The following SLC35F4 variants were observed in gnomAD, a reference collection of about 807,000 sequenced individuals.
The protein encoded by SLC35F4 is solute carrier family 35 member F4.
A neutral mutation model predicts 44.2 loss-of-function variants in SLC35F4; 24 were observed. The observed-to-expected ratio is 0.54, with a 90% CI of 0.39 to 0.76. The LOEUF (loss-of-function observed/expected upper bound fraction) is 0.76. Among genes scored for constraint, SLC35F4 ranks in the 30% least tolerant of loss-of-function variants. SLC35F4 has a pLI of 0.00. For synonymous variants in SLC35F4, 238 were observed against 223.6 expected (o/e 1.06, Z -0.57); for missense variants, 562 against 586.1 (o/e 0.96, Z 0.42).
chr14:57,740,990 C>T (rs1218611954), intron 1 of SLC35F4, among the ~76,000 whole-genome samples: 1 of 152,172 alleles, frequency 6.6e-6, no homozygotes, highest in African/African-American at 2.4e-5. Flanking sequence ...GGACCTCCAG[C>T]AAACTCCAAC....
intron 1 of SLC35F4, among the ~76,000 whole-genome samples, chr14:57,741,545 G>A (rs568776201): frequency 5.5e-4 from 83 of 152,236 alleles, no homozygotes; most frequent in Non-Finnish European, 1.0e-3. Flanking sequence ...AGAGAAAAAA[G>A]AGTAAAAAGA....
chr14:57,830,627 C>T (rs545091071), intron 1 of SLC35F4, among the ~76,000 whole-genome samples: 22 of 152,084 alleles, frequency 1.4e-4, no homozygotes, highest in African/African-American at 5.1e-4. Flanking sequence ...ATTAAATGAG[C>T]CAATATGGTT....
intron 1 of SLC35F4, among the ~76,000 whole-genome samples, chr14:57,952,190 A>G (rs1890154009): frequency 6.6e-6 from 1 of 152,190 alleles, no homozygotes; most frequent in African/African-American, 2.4e-5. Context: ...CCTGCAGCAG[A>G]GGGGCCTGGC....
chr14:57,790,605 T>G (rs2077892700), intron 1 of SLC35F4, among the ~76,000 whole-genome samples: 1 of 152,186 alleles, frequency 6.6e-6, no homozygotes, highest in South Asian at 2.1e-4. Context: ...AAGCTACCAT[T>G]GACTTTCTTC....
At chr14:57,870,513 A>G (rs1288867638), upstream of SLC35F4, among the ~76,000 whole-genome samples, 1 of 152,240 alleles carries the variant, frequency 6.6e-6, no homozygotes, top group Non-Finnish European at 1.5e-5. Flanking sequence ...TAAAGATCTT[A>G]TAACTGTGAC....
intron 1 of SLC35F4, among the ~76,000 whole-genome samples, chr14:57,932,847 G>C (rs1197135205): frequency 6.6e-6 from 1 of 152,032 alleles, no homozygotes; most frequent in Non-Finnish European, 1.5e-5. Flanking sequence ...GCTATCTATA[G>C]ATCTTGATTT....
chr14:57,830,134 T>G (rs1422142675), intron 1 of SLC35F4, among the ~76,000 whole-genome samples: 1 of 152,204 alleles, frequency 6.6e-6, no homozygotes, highest in Non-Finnish European at 1.5e-5. Flanking sequence ...GTAATGGAAG[T>G]AAAATCTAGA....
chr14:57,580,697 T>C (rs2069182749), intron 4 of SLC35F4, among the ~76,000 whole-genome samples: 1 of 152,186 alleles, frequency 6.6e-6, no homozygotes, highest in African/African-American at 2.4e-5. Flanking sequence ...CTTCCATTTC[T>C]GCATTAGTCA....
chr14:57,742,859 T>G (rs985798376), intron 1 of SLC35F4, among the ~76,000 whole-genome samples: 1 of 152,118 alleles, frequency 6.6e-6, no homozygotes, highest in African/African-American at 2.4e-5. Context: ...AGAAGAGAAA[T>G]TATAACAAAC....
At chr14:57,653,319 G>A (rs781267153) in intron 1 of SLC35F4, among the ~76,000 whole-genome samples, 4 of 152,106 alleles carry the variant, frequency 2.6e-5, no homozygotes, top group South Asian at 2.1e-4. Context: ...GTCAAATCTC[G>A]CTGGGGAAAC....
chr14:57,955,837 A>G (rs1890227320), intron 1 of SLC35F4, among the ~76,000 whole-genome samples: 1 of 152,238 alleles, frequency 6.6e-6, no homozygotes, highest in East Asian at 1.9e-4. Context: ...GATAGGAAGA[A>G]TCAATATCAT....
At chr14:57,873,665 G>A (rs1290421038) in intron 1 of SLC35F4, among the ~76,000 whole-genome samples, 4 of 152,114 alleles carry the variant, frequency 2.6e-5, no homozygotes, top group African/African-American at 9.7e-5. Flanking sequence ...GTGATAAGAG[G>A]AGTGAAATTA....
intron 1 of SLC35F4, among the ~76,000 whole-genome samples, chr14:57,789,455 C>T (rs2077855316): frequency 6.6e-6 from 1 of 151,882 alleles, no homozygotes; most frequent in Non-Finnish European, 1.5e-5. Context: ...GGAAGAAGTC[C>T]AATCCCTCAA....
At chr14:57,664,773 G>T (rs115212923) in intron 1 of SLC35F4, among the ~76,000 whole-genome samples, 125 of 152,320 alleles carry the variant, frequency 8.2e-4, no homozygotes, top group African/African-American at 2.9e-3. Flanking sequence ...TCCATGAGTG[G>T]CAATAAATGT....
intron 1 of SLC35F4, among the ~76,000 whole-genome samples, chr14:57,606,687 A>G (rs1221590951): frequency 6.6e-6 from 1 of 152,166 alleles, no homozygotes; most frequent in Non-Finnish European, 1.5e-5. Flanking sequence ...CACTCTACCA[A>G]GTTTGGCAAA....
At chr14:57,733,388 C>G (rs1439564541) in intron 1 of SLC35F4, among the ~76,000 whole-genome samples, 1 of 134,960 alleles carries the variant, frequency 7.4e-6, no homozygotes, top group Non-Finnish European at 1.6e-5. Context: ...AAAATCCCAG[C>G]AAACCAAAAA....
chr14:57,753,357 A>C (rs2076928881), intron 1 of SLC35F4, among the ~76,000 whole-genome samples: 1 of 152,154 alleles, frequency 6.6e-6, no homozygotes, highest in South Asian at 2.1e-4. Flanking sequence ...AGTAAGTAGC[A>C]CCTGGGCAGC....
At chr14:57,789,882 C>G (rs765428041) in intron 1 of SLC35F4, among the ~76,000 whole-genome samples, 16 of 152,168 alleles carry the variant, frequency 1.1e-4, no homozygotes, top group Admixed American at 4.6e-4. Flanking sequence ...TAAACAGAAC[C>G]AATGGCAAAA....
chr14:57,933,437 G>A (rs1305267555), intron 1 of SLC35F4, among the ~76,000 whole-genome samples: 1 of 152,138 alleles, frequency 6.6e-6, no homozygotes, highest in Non-Finnish European at 1.5e-5. Flanking sequence ...GCTATGTGAT[G>A]ACTAAAGCAA....
Sources: allele counts gnomAD v4.1 joint callset (sites outside exome capture counted in the v4.1 genomes callset), GRCh38; gene constraint gnomAD v4.1.1; transcripts MANE v1.5; gene names NCBI Gene and HGNC (gene_info 2026-07-23, HGNC 2026-07-21).